POU2F2: variants seen among roughly 807,000 people sequenced by gnomAD.
The protein encoded by POU2F2 is POU domain, class 2, transcription factor 2.
A neutral mutation model predicts 63.5 loss-of-function variants in POU2F2; 14 were observed. That is an observed-to-expected ratio of 0.22 (90% CI 0.15 to 0.34). The LOEUF (loss-of-function observed/expected upper bound fraction) is 0.34, where lower values mean the gene tolerates loss of function less well. Among genes scored for constraint, POU2F2 ranks in the 10% least tolerant of loss-of-function variants. The probability of loss-of-function intolerance (pLI) is 1.00; values close to 1 mark genes in which losing one functional copy is unlikely to be tolerated. For synonymous variants in POU2F2, 306 were observed against 348.6 expected, an observed-to-expected ratio of 0.88 and a Z score of 1.36; for missense variants, 607 against 815.2, an observed-to-expected ratio of 0.74 and a Z score of 3.11.
At chr19:42,130,343 C>A (rs2033599254) in intron 1 of POU2F2, among the ~76,000 whole-genome samples, 2 of 152,128 alleles carry the variant, frequency 1.3e-5, no homozygotes, top group Non-Finnish European at 2.9e-5. Flanking sequence ...CCAGAGTCAC[C>A]TTATCCTGGA....
At chr19:42,143,744 G>A (rs969754038) in intron 2 of POU2F2, among the ~76,000 whole-genome samples, 4 of 152,020 alleles carry the variant, frequency 2.6e-5, no homozygotes, top group African/African-American at 9.7e-5. Context: ...CTTGCCTCAG[G>A]ACTTTTGCTC....
chr19:42,103,507 G>A (rs935018698), intron 5 of POU2F2, among the ~76,000 whole-genome samples: 1 of 152,154 alleles, frequency 6.6e-6, no homozygotes, highest in Non-Finnish European at 1.5e-5. Flanking sequence ...GGAAATTGTG[G>A]GGGTTGGCAC....
chr19:42,095,622 G>T lies in POU2F2; in HGVS notation c.943C>A (p.Leu315Met), dbSNP rs758483696. Residue 315 changes from leucine (L) to methionine (M), a missense_variant, in exon 10 of 15, where the codon CTG becomes ATG. Leu to Met is a conservative substitution (Grantham distance 15). Around this residue, in one of 7 missense-constraint regions of POU2F2, gnomAD observed 36 missense variants for 63.8 expected, o/e 0.56. Transcript: ENST00000692977. This position sits in a 1 kb window ranked among gnomAD's most constrained non-coding sequence, Gnocchi z 7.1. The part of the protein sequence containing the change: ...LSSPSLGFDG[L>M]PGRRRKKRTS... ...CTCTTCTTGCGTCTCCGGCCGGGCA[G>T]GCCGTCGAAACCCAGGCTGGGGCTG... 5.6e-6 allele frequency: 9 copies of T among 1,613,028 alleles called. No homozygotes were observed. The highest frequency in any genetic ancestry group is 2.5e-6 in the Non-Finnish European group (3 of 1,179,826).
Position 42,095,867 on chromosome 19 carries a change from G to C in POU2F2, c.792C>G (p.Ser264=), listed in dbSNP as rs1448168068. The stretch of plus-strand genomic sequence containing the variant: ...AGCTCAGGTTGAGGGCCTCGAAGCG[G>C]GAAATGGTCGTCTGGCTGAAGTCGT... ...YGNDFSQTTI[S]RFEALNLSFK... is the part of the protein sequence containing the mutation. Residue 264 remains serine, a synonymous_variant, in exon 9 of 15, where the codon TCC becomes TCG. Transcript: ENST00000692977. This position sits in a 1 kb window ranked among gnomAD's most constrained non-coding sequence, Gnocchi z 7.1. 4 of 1,613,948 alleles carry C rather than the reference G, an allele frequency of 2.5e-6. No homozygotes were observed. Among genetic ancestry groups the C allele is most frequent in the Non-Finnish European group, 3.4e-6 (4 of 1,179,936 alleles).
chr19:42,098,973 C>T (rs1476712404), intron 7 of POU2F2, among the ~76,000 whole-genome samples: 1 of 152,192 alleles, frequency 6.6e-6, no homozygotes, highest in African/African-American at 2.4e-5. Context: ...CACGTAGACA[C>T]AGGTACAGCC....
At chr19:42,151,363 G>T (rs547182334) in intron 2 of POU2F2, among the ~76,000 whole-genome samples, 12 of 152,218 alleles carry the variant, frequency 7.9e-5, no homozygotes, top group African/African-American at 2.9e-4. Flanking sequence ...TCGGGTCAAG[G>T]CTAAGGTGAT....
intron 1 of POU2F2, among the ~76,000 whole-genome samples, chr19:42,127,448 C>T (rs916334974): frequency 6.6e-5 from 10 of 151,408 alleles, no homozygotes; most frequent in Non-Finnish European, 1.5e-4. Flanking sequence ...GGTGGGATCT[C>T]GGCTCACTGC....
At chr19:42,137,057 T>C (rs2034029544), upstream of POU2F2, 1 of 152,230 alleles carries the variant, frequency 6.6e-6, no homozygotes, top group African/African-American at 2.4e-5. Flanking sequence ...ACCTTGGTAA[T>C]TTATCACTTA....
At chr19:42,189,892 A>C (rs1223237542) in intron 1 of POU2F2, among the ~76,000 whole-genome samples, 2 of 151,462 alleles carry the variant, frequency 1.3e-5, no homozygotes, top group African/African-American at 4.9e-5. Context: ...TACTTGGCTA[A>C]TTTTTTTTTA....
At chr19:42,142,284 G>A (rs958614128) in intron 2 of POU2F2, among the ~76,000 whole-genome samples, 6 of 151,556 alleles carry the variant, frequency 4.0e-5, no homozygotes, top group East Asian at 3.9e-4. Flanking sequence ...TCTGCCTCCC[G>A]GGTTCAAGGG....
Position 42,117,230 on chromosome 19 carries a change from A to T in POU2F2, c.369+20T>A, listed in dbSNP as rs750973404. 1 of 1,464,436 alleles carries T rather than the reference A, an allele frequency of 6.8e-7. No individual in the cohort carries two copies. The highest frequency in any genetic ancestry group is 1.5e-5 in the South Asian group (1 of 66,804). The allele number at this position is 1,464,436 out of a possible 1,614,324, so 90.7% of individuals were successfully genotyped here. A position where few individuals can be genotyped will look rare whatever the true frequency, so the allele number is the denominator to read the frequency against. ...GTGGCTGGTTTGTCCCCTCGTCCCCATCCTTCCCCAAGTACTTACCCCAGC... is the reference window on the plus strand; with the variant it reads ...GTGGCTGGTTTGTCCCCTCGTCCCCTTCCTTCCCCAAGTACTTACCCCAGC... On this transcript the variant is annotated intron_variant, in intron 5 of 14. Transcript: ENST00000692977. The surrounding 1 kb of genome is among the most constrained non-coding windows in gnomAD (Gnocchi z 4.4).
chr19:42,110,606 C>CAG (rs2030929443), intron 5 of POU2F2: 1 of 343,870 alleles, frequency 2.9e-6, no homozygotes, highest in African/African-American at 2.1e-5. Flanking sequence ...GCCTCCTTAA[C>CAG]TGTACAGGAT....
chr19:42,111,352 C>G (rs1471082498), intron 5 of POU2F2, among the ~76,000 whole-genome samples: 1 of 151,864 alleles, frequency 6.6e-6, no homozygotes, highest in African/African-American at 2.4e-5. Context: ...CGCCTCAAGC[C>G]GTCCTCCTGC....
In POU2F2 at chr19:42,091,283, G is replaced by T; in HGVS notation, c.1849C>A (p.Pro617Thr). Residue 617 changes from proline (P) to threonine (T), a missense_variant, in exon 15 of 15, where the codon CCC (proline) becomes ACC (threonine). By Grantham distance (38) the Pro-to-Thr change is conservative (BLOSUM62 -1). Transcript: ENST00000692977. ...CACTCAGGTTTGGACCCTGCCTCGGGCCCCCCTGGACCTCCAGGGGTCTGT... is the reference window on the plus strand; with the variant it reads ...CACTCAGGTTTGGACCCTGCCTCGGTCCCCCCTGGACCTCCAGGGGTCTGT... ...AAQTPGGPGGPEAGSKPE is the reference protein window; with the variant it reads ...AAQTPGGPGGTEAGSKPE 6.5e-7 allele frequency: 1 copy of T among 1,532,716 alleles called. No individual in the cohort carries two copies. 94.9% of individuals were successfully genotyped at this position (1,532,716 alleles called of 1,614,324 possible). A position where few individuals can be genotyped will look rare whatever the true frequency, so the allele number is the denominator to read the frequency against.
rs1176286728 is a variant in POU2F2 at position 42,117,373 on chromosome 19, G to A, written c.246C>T (p.Pro82=). The change falls in exon 5 of 15, where the codon CCC becomes CCT. Residue 82 remains proline (P), a synonymous_variant. Coordinates refer to ENST00000692977, the MANE Select transcript of POU2F2 (RefSeq NM_001394376.1). The surrounding 1 kb of genome is among the most constrained non-coding windows in gnomAD (Gnocchi z 4.4). ...TFWGPGPCLS[P]PQIKAEDPSG... ...TGGGGTCTTCAGCCTTGATCTGGGG[G>A]GGAGAGAGGCAGGGTCCGGGACCCC... The A allele has an allele frequency of 6.6e-7, 1 of 1,524,156 alleles. No individual in the cohort carries two copies. 94.4% of individuals were successfully genotyped at this position (1,524,156 alleles called of 1,614,324 possible).
At chr19:42,182,862 G>A (rs2146817126) in intron 1 of POU2F2, among the ~76,000 whole-genome samples, 1 of 152,272 alleles carries the variant, frequency 6.6e-6, no homozygotes, top group African/African-American at 2.4e-5. Context: ...TCAGTGGTGT[G>A]GAGACTTCCA....
chr19:42,154,657 G>A lies in POU2F2; in HGVS notation c.-9+5675C>T, dbSNP rs78033267. Reference sequence around the variant, plus strand: ...AGAAAGGAGACCAGAGAGATAAAAGGCAGACGGCAGATAGTGGTGGAGGGG... The same window carrying A: ...AGAAAGGAGACCAGAGAGATAAAAGACAGACGGCAGATAGTGGTGGAGGGG... On this transcript the variant is annotated intron_variant, in intron 2 of 6. Coordinates refer to the POU2F2 transcript ENST00000524801. Among the ~76,000 whole-genome samples, 92 of 152,242 alleles carry A rather than the reference G, an allele frequency of 6.0e-4. 2 individuals are homozygous for A. The East Asian group carries it at 0.017, about 28-fold the overall frequency.
intron 1 of POU2F2, among the ~76,000 whole-genome samples, chr19:42,166,831 C>T (rs2034661501): frequency 6.6e-6 from 1 of 152,106 alleles, no homozygotes; most frequent in Admixed American, 6.5e-5. Context: ...TAAGTGCTCA[C>T]CCTGAAGGTG....
At chr19:42,127,424 G>C (rs1266008958) in intron 1 of POU2F2, among the ~76,000 whole-genome samples, 1 of 151,968 alleles carries the variant, frequency 6.6e-6, no homozygotes, top group African/African-American at 2.4e-5. Context: ...GTGTTGTCCA[G>C]GCTGGAGTGC....
Sources: gnomAD v4.1 joint callset for allele counts (sites outside exome capture counted in the v4.1 genomes callset) on GRCh38, gnomAD v4.1.1 for gene constraint, gnomAD v4.1.1 regional missense constraint, Gnocchi (gnomAD v3.1) non-coding constraint, MANE v1.5 for transcripts, NCBI Gene and HGNC (gene_info 2026-07-23, HGNC 2026-07-21) for gene names.